XKR6: variants seen among roughly 807,000 people sequenced by gnomAD.
The protein encoded by XKR6 is XK related 6.
A neutral mutation model predicts 56.7 loss-of-function variants in XKR6; 22 were observed. That is an observed-to-expected ratio of 0.39 (90% CI 0.28 to 0.55). The LOEUF (loss-of-function observed/expected upper bound fraction) is 0.55, where lower values mean the gene tolerates loss of function less well. Among genes scored for constraint, XKR6 ranks in the 20% least tolerant of loss-of-function variants. The probability of loss-of-function intolerance (pLI) is 0.66; values close to 1 mark genes in which losing one functional copy is unlikely to be tolerated. For missense variants in XKR6, 852 were observed against 889.0 expected (o/e 0.96, Z 0.53); for synonymous variants, 524 against 387.8 (o/e 1.35, Z -4.13).
At chr8:11,187,846 A>G (rs1197623253) in intron 1 of XKR6, among the ~76,000 whole-genome samples, 2 of 152,218 alleles carry the variant, frequency 1.3e-5, no homozygotes, top group Non-Finnish European at 1.5e-5. Context: ...ATGAATCTAC[A>G]TAACCCAGGA....
chr8:11,039,005 C>A (rs1427222524), intron 1 of XKR6, among the ~76,000 whole-genome samples: 1 of 152,146 alleles, frequency 6.6e-6, no homozygotes, highest in Non-Finnish European at 1.5e-5. Flanking sequence ...AGCTGCAGGG[C>A]GGGTGGGCAC....
chr8:11,043,994 AAC>A (rs1485010258), intron 1 of XKR6, among the ~76,000 whole-genome samples: 1 of 152,242 alleles, frequency 6.6e-6, no homozygotes, highest in Non-Finnish European at 1.5e-5. Flanking sequence ...GCAGCTAAAC[AAC>A]ACTTGCCTCA....
chr8:11,108,185 C>T (rs1275135754), intron 1 of XKR6: 1 of 436,592 alleles, frequency 2.3e-6, no homozygotes, highest in East Asian at 7.0e-5. Flanking sequence ...GTTAAATGTC[C>T]ACTACACTTA....
At chr8:11,142,023 CAAAAAAA>C (rs61218279) in intron 1 of XKR6, among the ~76,000 whole-genome samples, 1 of 99,424 alleles carries the variant, frequency 1.0e-5, no homozygotes, top group Non-Finnish European at 2.2e-5. Context: ...TACTACATTC[CAAAAAAA>C]AAAAAAAGGA....
chr8:10,907,126 A>G (rs891309790), intron 2 of XKR6, among the ~76,000 whole-genome samples: 85 of 152,170 alleles, frequency 5.6e-4, no homozygotes, highest in African/African-American at 1.9e-3. Context: ...AGCCCTCAGG[A>G]CTGACAAATA....
chr8:11,125,631 G>C (rs558283818), intron 1 of XKR6: 1 of 152,240 alleles, frequency 6.6e-6, no homozygotes, highest in African/African-American at 2.4e-5. Context: ...CCGTGCGAAG[G>C]ACAGAGAGGA....
chr8:11,173,062 G>A (rs937554551), intron 1 of XKR6, among the ~76,000 whole-genome samples: 1 of 152,018 alleles, frequency 6.6e-6, no homozygotes, highest in East Asian at 1.9e-4. Flanking sequence ...CCGGCCGGGC[G>A]CGGTGGCTCA....
chr8:11,153,631 T>C (rs1040797605), intron 1 of XKR6, among the ~76,000 whole-genome samples: 12 of 152,240 alleles, frequency 7.9e-5, no homozygotes, highest in East Asian at 3.8e-4. Context: ...CCAACCAGTA[T>C]TGGGCTGGTT....
chr8:11,093,117 G>A (rs1172209566), intron 1 of XKR6, among the ~76,000 whole-genome samples: 1 of 152,062 alleles, frequency 6.6e-6, no homozygotes, highest in Non-Finnish European at 1.5e-5. Context: ...GTGCAATGGT[G>A]TGATCTCGGC....
chr8:10,994,981 A>C (rs766333316), intron 1 of XKR6, among the ~76,000 whole-genome samples: 1 of 152,160 alleles, frequency 6.6e-6, no homozygotes, highest in Non-Finnish European at 1.5e-5. Context: ...CCACACAAAG[A>C]GAGATGAGCT....
intron 1 of XKR6, among the ~76,000 whole-genome samples, chr8:11,193,574 A>T (rs1486456283): frequency 6.6e-6 from 1 of 152,170 alleles, no homozygotes; most frequent in Non-Finnish European, 1.5e-5. Flanking sequence ...CTTATACCTT[A>T]ATCTAAACAA....
At chr8:10,982,111 A>C (rs1381045510) in intron 1 of XKR6, among the ~76,000 whole-genome samples, 1 of 152,248 alleles carries the variant, frequency 6.6e-6, no homozygotes, top group Non-Finnish European at 1.5e-5. Flanking sequence ...CAATCAATGA[A>C]GTCTACACAC....
intron 1 of XKR6, among the ~76,000 whole-genome samples, chr8:11,141,720 T>G (rs1439073513): frequency 6.6e-6 from 1 of 152,286 alleles, no homozygotes; most frequent in East Asian, 1.9e-4. Context: ...CAGCTCCTGA[T>G]GGGAGCCTAT....
At chr8:11,159,705 T>G (rs1801698306) in intron 1 of XKR6, among the ~76,000 whole-genome samples, 1 of 152,246 alleles carries the variant, frequency 6.6e-6, no homozygotes, top group Admixed American at 6.5e-5. Context: ...TGAAAACTAC[T>G]GACCAAGAAC....
intron 1 of XKR6, among the ~76,000 whole-genome samples, chr8:10,985,767 T>C (rs1387300529): frequency 1.3e-5 from 2 of 152,226 alleles, no homozygotes; most frequent in Admixed American, 6.5e-5. Context: ...TATGTCTTTA[T>C]TAGAAGCATG....
intron 1 of XKR6, among the ~76,000 whole-genome samples, chr8:10,974,760 T>A (rs567615366): frequency 6.6e-6 from 1 of 152,160 alleles, no homozygotes; most frequent in East Asian, 1.9e-4. Flanking sequence ...AAGATGCCAA[T>A]GTGGCAAGTA....
chr8:11,040,652 T>C (rs1182569338), intron 1 of XKR6, among the ~76,000 whole-genome samples: 1 of 152,182 alleles, frequency 6.6e-6, no homozygotes. Context: ...AGGGCTCTCC[T>C]GGTTCGTAGA....
intron 1 of XKR6, among the ~76,000 whole-genome samples, chr8:10,951,322 G>C (rs562903776): frequency 1.6e-5 from 2 of 123,868 alleles, no homozygotes; most frequent in Admixed American, 1.6e-4. Flanking sequence ...CCCCACAGTG[G>C]TGACAGGGGA....
chr8:11,057,789 C>G (rs534866896), intron 1 of XKR6, among the ~76,000 whole-genome samples: 8 of 152,146 alleles, frequency 5.3e-5, no homozygotes, highest in Non-Finnish European at 1.0e-4. Flanking sequence ...GGCCTTGGGC[C>G]TTTTTTTAAC....
Sources: allele counts gnomAD v4.1 joint callset (sites outside exome capture counted in the v4.1 genomes callset), GRCh38; gene constraint gnomAD v4.1.1; transcripts MANE v1.5; gene names NCBI Gene and HGNC (gene_info 2026-07-23, HGNC 2026-07-21).